NAALADL2: variants seen among roughly 807,000 people sequenced by gnomAD.
NAALADL2 encodes the protein N-acetylated alpha-linked acidic dipeptidase like 2, also known as inactive N-acetylated-alpha-linked acidic dipeptidase-like protein 2.
NAALADL2 carries 76 observed loss-of-function variants against 87.2 expected under a neutral mutation model. That is an observed-to-expected ratio of 0.87 (90% confidence interval 0.72 to 1.05). The LOEUF is 1.05. Among genes scored for constraint, NAALADL2 ranks in the 50% least tolerant of loss-of-function variants. NAALADL2 has a pLI of 0.00. For missense variants in NAALADL2, 1,089 were observed against 945.8 expected, an observed-to-expected ratio of 1.15 and a Z score of -1.99; for synonymous variants, 354 against 331.0, an observed-to-expected ratio of 1.07 and a Z score of -0.75.
At chr3:175,628,025 T>A (rs1312857593) in intron 11 of NAALADL2, among the ~76,000 whole-genome samples, 1 of 151,778 alleles carries the variant, frequency 6.6e-6, no homozygotes, top group Admixed American at 6.6e-5. Flanking sequence ...AGTCTTTTAC[T>A]GAATGGCAAT....
At chr3:175,264,081 G>T (rs1751533315) in intron 4 of NAALADL2, among the ~76,000 whole-genome samples, 1 of 151,640 alleles carries the variant, frequency 6.6e-6, no homozygotes, top group Non-Finnish European at 1.5e-5. Flanking sequence ...ACTGCTATCT[G>T]CTCAACTTGT....
intron 2 of NAALADL2, among the ~76,000 whole-genome samples, chr3:175,225,180 A>G (rs552199237): frequency 1.6e-4 from 24 of 152,312 alleles, no homozygotes; most frequent in African/African-American, 4.8e-4. Flanking sequence ...GAGAGATGAC[A>G]TCTAAAAATT....
In NAALADL2 at chr3:174,662,689, G is replaced by A. The variant is rs1308957939; in HGVS notation, c.-114-74952G>A. ...AAACAATCCTAATTTTATCATGTGC[G>A]CAGAAGTTCCTTTCATAGAAAATGT... is the stretch of plus-strand genomic sequence containing the variant. On this transcript the variant is annotated intron_variant, in intron 2 of 3. Transcript: ENST00000434257. Among the ~76,000 whole-genome samples, 4 of 152,176 alleles carry A rather than the reference G, an allele frequency of 2.6e-5. No homozygotes were observed. The East Asian group carries it at 5.8e-4, about 22-fold the overall frequency.
At chr3:174,913,936 C>T (rs1336251135) in intron 1 of NAALADL2, among the ~76,000 whole-genome samples, 1 of 151,656 alleles carries the variant, frequency 6.6e-6, no homozygotes, top group Non-Finnish European at 1.5e-5. Context: ...TGAGTCCCAG[C>T]CTAAGAAAAA....
At chr3:174,441,518 A>G (rs538566709) in intron 1 of NAALADL2, among the ~76,000 whole-genome samples, 1 of 152,228 alleles carries the variant, frequency 6.6e-6, no homozygotes, top group Admixed American at 6.5e-5. Context: ...GGCGCGCAGC[A>G]CAGTTCCGCC....
At chr3:174,838,766 A>G (rs1378055571) in intron 3 of NAALADL2, among the ~76,000 whole-genome samples, 1 of 152,178 alleles carries the variant, frequency 6.6e-6, no homozygotes, top group Non-Finnish European at 1.5e-5. Flanking sequence ...AATAAAATAA[A>G]ATACTTAGGA....
chr3:175,410,771 C>A (rs548576673), intron 5 of NAALADL2, among the ~76,000 whole-genome samples: 1 of 152,150 alleles, frequency 6.6e-6, no homozygotes, highest in Non-Finnish European at 1.5e-5. Context: ...CATAAGTATG[C>A]CTTAGCTTAG....
At chr3:175,265,393 A>G (rs1350081021) in intron 4 of NAALADL2, among the ~76,000 whole-genome samples, 1 of 151,666 alleles carries the variant, frequency 6.6e-6, no homozygotes, top group African/African-American at 2.4e-5. Context: ...AAATAAATAA[A>G]CCCTTAATTC....
intron 12 of NAALADL2, among the ~76,000 whole-genome samples, chr3:175,737,740 T>TC (rs1463885492): frequency 6.9e-6 from 1 of 145,266 alleles, no homozygotes; most frequent in East Asian, 2.0e-4. Context: ...TTTTTTTTTT[T>TC]TTTTAACATT....
At chr3:174,984,471 T>C (rs1382481587) in intron 1 of NAALADL2, among the ~76,000 whole-genome samples, 2 of 152,126 alleles carry the variant, frequency 1.3e-5, no homozygotes, top group African/African-American at 2.4e-5. Flanking sequence ...AGCATGGTTC[T>C]AGTAACAGCA....
intron 1 of NAALADL2, chr3:174,536,702 A>G (rs1214691401): frequency 6.6e-6 from 1 of 152,044 alleles, no homozygotes; most frequent in Non-Finnish European, 1.5e-5. Flanking sequence ...TCTATTGGTG[A>G]CCTTTTATAA....
intron 11 of NAALADL2, among the ~76,000 whole-genome samples, chr3:175,630,859 A>T (rs961124897): frequency 1.3e-5 from 2 of 151,636 alleles, no homozygotes; most frequent in African/African-American, 4.8e-5. Context: ...TTTCACAAAA[A>T]TATGAGAAAT....
intron 2 of NAALADL2, among the ~76,000 whole-genome samples, chr3:174,558,670 C>T (rs1713173434): frequency 6.6e-6 from 1 of 152,112 alleles, no homozygotes; most frequent in Non-Finnish European, 1.5e-5. Flanking sequence ...TGGGGAGGGG[C>T]TGTAAATACA....
At chr3:174,643,183 G>C (rs78951552) in intron 2 of NAALADL2, among the ~76,000 whole-genome samples, 65,048 of 151,956 alleles carry the variant, frequency 0.43, 14,353 homozygotes, top group East Asian at 0.64. Context: ...CTATTTTCAG[G>C]CCACAGAGTA....
At chr3:175,408,036 C>T (rs1017660349) in intron 5 of NAALADL2, among the ~76,000 whole-genome samples, 12 of 151,996 alleles carry the variant, frequency 7.9e-5, no homozygotes, top group African/African-American at 2.7e-4. Context: ...CTCACAAAGA[C>T]GAATACTTTA....
chr3:175,655,800 A>G (rs1731384966), intron 11 of NAALADL2, among the ~76,000 whole-genome samples: 1 of 152,150 alleles, frequency 6.6e-6, no homozygotes, highest in South Asian at 2.1e-4. Context: ...TTACTTTTCC[A>G]TTTTCTATTC....
At chr3:174,814,328 C>G (rs188462998) in intron 3 of NAALADL2, among the ~76,000 whole-genome samples, 1 of 152,058 alleles carries the variant, frequency 6.6e-6, no homozygotes, top group African/African-American at 2.4e-5. Context: ...AGGATGGTCT[C>G]AATCTCCTGA....
intron 2 of NAALADL2, among the ~76,000 whole-genome samples, chr3:175,214,643 CAT>C (rs1742244005): frequency 1.3e-5 from 2 of 151,936 alleles, no homozygotes; most frequent in African/African-American, 2.4e-5. Context: ...AGACAAGAAA[CAT>C]ATTATTGTGC....
chr3:175,662,349 T>C (rs1398038763), intron 11 of NAALADL2, among the ~76,000 whole-genome samples: 1 of 152,026 alleles, frequency 6.6e-6, no homozygotes, highest in African/African-American at 2.4e-5. Flanking sequence ...TATTTTAACC[T>C]GTAACTTTGC....
Sources: allele counts gnomAD v4.1 joint callset (sites outside exome capture counted in the v4.1 genomes callset), GRCh38; gene constraint gnomAD v4.1.1; transcripts MANE v1.5; gene names NCBI Gene and HGNC (gene_info 2026-07-23, HGNC 2026-07-21).